Variants in UBA52 observed in about 807,000 individuals in gnomAD.
UBA52 encodes the protein ubiquitin A-52 residue ribosomal protein fusion product 1, also known as ubiquitin-ribosomal protein eL40 fusion protein.
In UBA52, 1 loss-of-function variant was observed where a neutral mutation model predicts 15.3. The observed-to-expected ratio is 0.07, with a 90% CI of 0.02 to 0.31. UBA52 has a LOEUF of 0.31. Ranked by LOEUF, UBA52 falls within the 10% of genes least tolerant of loss-of-function variation. The pLI is 1.00. For missense variants in UBA52, 87 were observed against 168.0 expected, an observed-to-expected ratio of 0.52 and a Z score of 2.66; for synonymous variants, 50 against 58.3, an observed-to-expected ratio of 0.86 and a Z score of 0.65.
In UBA52 at chr19:18,573,423, G is replaced by A; in HGVS notation, c.103+20G>A. 6.2e-7 allele frequency: 1 copy of A among 1,604,116 alleles called. No individual in the cohort carries two copies. The highest frequency in any genetic ancestry group is 8.5e-7 in the Non-Finnish European group (1 of 1,171,998). On this transcript the variant is annotated intron_variant, in intron 2 of 4. Transcript: ENST00000442744. The stretch of plus-strand genomic sequence containing the variant: ...AGGAGGGTGAGTAGGGCTGGGTGTG[G>A]GGGCTCTGGCTGTGAACTGGGAGTC...
chr19:18,573,449 CCT>C (rs1332743070), intron 2 of UBA52, 46 bp downstream of exon 2: 4 of 1,525,226 alleles, frequency 2.6e-6, no homozygotes, highest in African/African-American at 2.7e-5. Context: ...ACTGGGAGTC[CCT>C]CTCTGCCCAG....
At chr19:18,572,274 T>G (rs1319467407) in intron 1 of UBA52, 1 of 152,268 alleles carries the variant, frequency 6.6e-6, no homozygotes, top group African/African-American at 2.4e-5. Flanking sequence ...CTGGCTCCAT[T>G]ACTACGTCTG....
chr19:18,570,501 G>A (rs111979877), upstream of UBA52, among the ~76,000 whole-genome samples: 1,130 of 138,154 alleles, frequency 8.2e-3, 15 homozygotes, highest in African/African-American at 0.027. Flanking sequence ...TGCACCCGCC[G>A]TGGCACTTTT....
upstream of UBA52, chr19:18,567,035 C>G: frequency 1.8e-6 from 2 of 1,091,458 alleles, no homozygotes; most frequent in Non-Finnish European, 2.8e-6. Flanking sequence ...CTCCCGTCTC[C>G]CCTTGCCCTC....
At chr19:18,564,440 T>G in the UBA52 span, among the ~76,000 whole-genome samples, 5 of 151,942 alleles carry the variant, frequency 3.3e-5, no homozygotes, top group African/African-American at 1.2e-4. Context: ...GCTAACCTGG[T>G]GAAACCTCGT....
At chr19:18,567,399 C>T (rs1487064052), upstream of UBA52, 14 of 652,852 alleles carry the variant, frequency 2.1e-5, no homozygotes, top group South Asian at 1.4e-4. Context: ...GTGGGGAGGC[C>T]GCACAGGAGA....
At chr19:18,568,508 C>G (rs764399858), upstream of UBA52, 2 of 1,614,090 alleles carry the variant, frequency 1.2e-6, no homozygotes, top group Non-Finnish European at 1.7e-6. Flanking sequence ...CATGTGACAC[C>G]AGCCCCGACA....
At chr19:18,568,470 A>G, upstream of UBA52, 3 of 1,613,856 alleles carry the variant, frequency 1.9e-6, no homozygotes, top group South Asian at 1.1e-5. Flanking sequence ...CACGACCACC[A>G]TTGCCACCTC....
At chr19:18,566,422 C>G in the UBA52 span, among the ~76,000 whole-genome samples, 1 of 148,322 alleles carries the variant, frequency 6.7e-6, no homozygotes, top group Non-Finnish European at 1.5e-5. Flanking sequence ...CGCCACTGCA[C>G]TCAAGCCTGG....
chr19:18,568,161 G>C (rs994008009), upstream of UBA52, among the ~76,000 whole-genome samples: 7 of 151,918 alleles, frequency 4.6e-5, no homozygotes, highest in African/African-American at 1.7e-4. Context: ...CAGCTACTCA[G>C]GAGGTTAAGG....
At chr19:18,572,086 G>C (rs966439124) in intron 1 of UBA52, 177 bp downstream of exon 1, 4 of 152,344 alleles carry the variant, frequency 2.6e-5, no homozygotes, top group Non-Finnish European at 5.9e-5. Context: ...CGCCGTTTTG[G>C]AGAGGAGCCT....
rs1464135802 is a variant in UBA52, at chr19:18,575,940, G to T, written c.*790G>T. ...TTTTTGTATTTTTAGTAGAGACGGG[G>T]TTTCACTGGGTTAGCCAGGTTGGTC... On this transcript the variant is annotated 3_prime_UTR_variant, in exon 5 of 5. Transcript: ENST00000442744. 1 of 152,226 alleles carries T rather than the reference G, an allele frequency of 6.6e-6. No individual in the cohort carries two copies. The allele number at this position is 152,226 out of a possible 1,614,324, so 9.4% of individuals were successfully genotyped here. A position where few individuals can be genotyped will look rare whatever the true frequency, so the allele number is the denominator to read the frequency against.
the UBA52 span, chr19:18,564,774 A>G: frequency 7.2e-7 from 1 of 1,397,978 alleles, no homozygotes; most frequent in Non-Finnish European, 9.9e-7. Flanking sequence ...AAGGTTGTGA[A>G]GCAGGCAAGG....
intron 3 of UBA52, among the ~76,000 whole-genome samples, chr19:18,574,181 G>A (rs1362691743): frequency 6.7e-6 from 1 of 149,784 alleles, no homozygotes; most frequent in African/African-American, 2.5e-5. Flanking sequence ...CTACTCAGGA[G>A]GCTGAGGAAG....
At chr19:18,569,355 G>C (rs576583483), upstream of UBA52, 2 of 152,684 alleles carry the variant, frequency 1.3e-5, no homozygotes, top group Admixed American at 6.5e-5. Context: ...TCAATAAAAA[G>C]ACACCATTAC....
chr19:18,572,774 GTGT>G, intron 1 of UBA52: 1 of 1,002,276 alleles, frequency 1.0e-6, no homozygotes, highest in Non-Finnish European at 1.2e-6. Context: ...GAAGCTAAGA[GTGT>G]TGGGTGCTCC....
At chr19:18,566,771 C>T (rs888022589), upstream of UBA52, among the ~76,000 whole-genome samples, 3 of 150,376 alleles carry the variant, frequency 2.0e-5, no homozygotes, top group East Asian at 1.9e-4. Context: ...CCACCCTGGG[C>T]GACAGAGTGA....
rs181471626 is a variant in UBA52 at position 18,573,586 on chromosome 19, G to A, written c.104-76G>A. The A allele has an allele frequency of 1.6e-5, 24 of 1,512,040 alleles. 1 individual carries two copies. The East Asian group carries it at 2.5e-4, about 16-fold the overall frequency. 93.7% of individuals were successfully genotyped at this position (1,512,040 alleles called of 1,614,324 possible). ...GGCCTTTTGAGAAACTGGGGGTAGT[G>A]CTGGAGCTCCCCTGCAGAGGACACT... On this transcript the variant is annotated intron_variant, in intron 2 of 4. Transcript: ENST00000442744.
chr19:18,575,191 C>G lies in UBA52; in HGVS notation c.*41C>G. ...GAAGGGCAGCCTCCTGCCCAGGCCC[C>G]GTGGCCCTGGAGCCTCAATAAAGTG... On this transcript the variant is annotated 3_prime_UTR_variant, in exon 5 of 5. Coordinates refer to ENST00000442744, the MANE Select transcript of UBA52 (RefSeq NM_001033930.3). 6.2e-7 allele frequency: 1 copy of G among 1,612,046 alleles called. No individual in the cohort carries two copies. Among genetic ancestry groups the G allele is most frequent in the Non-Finnish European group, 8.5e-7 (1 of 1,178,956 alleles).
Sources: gnomAD v4.1 joint callset for allele counts (sites outside exome capture counted in the v4.1 genomes callset) on GRCh38, gnomAD v4.1.1 for gene constraint, MANE v1.5 for transcripts, NCBI Gene and HGNC (gene_info 2026-07-23, HGNC 2026-07-21) for gene names.